Variants in LRRIQ1 observed in about 807,000 individuals in gnomAD.
LRRIQ1 encodes the protein leucine-rich repeat- and IQ domain-containing protein 1.
LRRIQ1 carries 210 observed loss-of-function variants against 211.9 expected under a neutral mutation model. The ratio of observed to expected loss-of-function variants is 0.99; its 90% CI spans 0.89 to 1.11. LRRIQ1 has a LOEUF of 1.11. Ranked by LOEUF, LRRIQ1 falls within the 50% of genes most tolerant of loss-of-function variation. The pLI, the probability that LRRIQ1 is intolerant of heterozygous loss-of-function variation, is 0.00. For synonymous variants in LRRIQ1, 699 were observed against 650.1 expected (o/e 1.08, Z -1.14); for missense variants, 2,136 against 1,939.5 (o/e 1.10, Z -1.90).
intron 24 of LRRIQ1, among the ~76,000 whole-genome samples, chr12:85,172,364 G>A (rs77191443): frequency 3.0e-4 from 45 of 152,216 alleles, no homozygotes; most frequent in African/African-American, 1.1e-3. Flanking sequence ...TAAGAATATT[G>A]CCTTTTATCT....
intron 1 of LRRIQ1, among the ~76,000 whole-genome samples, chr12:85,257,066 T>A (rs1298112327): frequency 8.4e-6 from 1 of 118,504 alleles, no homozygotes; most frequent in African/African-American, 3.2e-5. Context: ...AATTATATAA[T>A]TATATAAATA....
chr12:85,265,539 T>C (rs1896400789), downstream of LRRIQ1, among the ~76,000 whole-genome samples: 1 of 151,990 alleles, frequency 6.6e-6, no homozygotes, highest in Admixed American at 6.6e-5. Flanking sequence ...GCTCTAATTA[T>C]TGTGAAATTC....
intron 11 of LRRIQ1, among the ~76,000 whole-genome samples, chr12:85,087,806 T>G (rs1251393731): frequency 3.3e-5 from 5 of 152,234 alleles, no homozygotes; most frequent in African/African-American, 1.2e-4. Context: ...ATTTTTTTCT[T>G]GTAAATTTGT....
intron 23 of LRRIQ1, among the ~76,000 whole-genome samples, chr12:85,157,840 C>CATGGAT (rs907958440): frequency 1.3e-5 from 2 of 151,550 alleles, no homozygotes; most frequent in Admixed American, 1.3e-4. Flanking sequence ...GAAGACCTAA[C>CATGGAT]ATGGATTTTT....
chr12:85,065,384 T>A lies in LRRIQ1; in HGVS notation c.2514T>A (p.Asn838Lys). 1 of 1,609,842 alleles carries A rather than the reference T, an allele frequency of 6.2e-7. No homozygotes were observed. The highest frequency in any genetic ancestry group is 8.5e-7 in the Non-Finnish European group (1 of 1,177,392). Residue 838 changes from asparagine (N) to lysine (K), a missense_variant, in exon 9 of 27, where the codon AAT becomes AAA. By Grantham distance (94) the Asn-to-Lys change is moderately conservative (BLOSUM62 0). Transcript: ENST00000393217. ...TAACTTCTTTGCACAGCCTGAGTAA[T>A]TGTAAAAAACTTAAGTACATTGATG... ...CGLTSLHSLS[N>K]CKKLKYIDAQ...
chr12:85,244,279 A>G (rs891373570), intron 26 of LRRIQ1, among the ~76,000 whole-genome samples: 1 of 151,456 alleles, frequency 6.6e-6, no homozygotes, highest in African/African-American at 2.4e-5. Flanking sequence ...ATATTTTTAT[A>G]TTGATAATGG....
chr12:85,132,423 G>C (rs939841716), intron 18 of LRRIQ1, among the ~76,000 whole-genome samples: 6 of 152,074 alleles, frequency 3.9e-5, no homozygotes, highest in Non-Finnish European at 8.8e-5. Context: ...ATGTTAGGGA[G>C]AAGGCGTTCT....
chr12:85,097,765 A>G (rs1014173044), intron 11 of LRRIQ1, among the ~76,000 whole-genome samples: 1 of 152,116 alleles, frequency 6.6e-6, no homozygotes, highest in Admixed American at 6.6e-5. Context: ...GATTTAAGCA[A>G]CCTTCTCAGT....
chr12:85,215,604 G>A (rs1282031680), intron 24 of LRRIQ1, among the ~76,000 whole-genome samples: 1 of 151,928 alleles, frequency 6.6e-6, no homozygotes, highest in East Asian at 1.9e-4. Context: ...ACATTATCGG[G>A]TTTTCTGTTT....
At chr12:85,164,010 T>A (rs984995270) in intron 24 of LRRIQ1, among the ~76,000 whole-genome samples, 11 of 152,284 alleles carry the variant, frequency 7.2e-5, no homozygotes, top group African/African-American at 2.4e-4. Flanking sequence ...CCTGAACACT[T>A]TGCAGATTTA....
chr12:85,216,515 C>A (rs930136054), intron 24 of LRRIQ1, among the ~76,000 whole-genome samples: 5 of 149,634 alleles, frequency 3.3e-5, no homozygotes, highest in Non-Finnish European at 5.9e-5. Context: ...GTATATAATT[C>A]TTTATATTTC....
intron 24 of LRRIQ1, among the ~76,000 whole-genome samples, chr12:85,175,538 C>T (rs141840016): frequency 2.6e-5 from 4 of 152,206 alleles, no homozygotes; most frequent in Admixed American, 6.5e-5. Flanking sequence ...TCATTGGCTT[C>T]GTTCAGGGGT....
intron 13 of LRRIQ1, among the ~76,000 whole-genome samples, chr12:85,100,517 A>C (rs1886271530): frequency 6.6e-6 from 1 of 151,730 alleles, no homozygotes; most frequent in South Asian, 2.1e-4. Flanking sequence ...TTGGGGGATA[A>C]AAAAATGAGT....
chr12:85,189,774 C>A (rs1892398928), intron 24 of LRRIQ1, among the ~76,000 whole-genome samples: 1 of 144,668 alleles, frequency 6.9e-6, no homozygotes, highest in African/African-American at 2.5e-5. Context: ...TATATAATAT[C>A]TAATAATATA....
At chr12:85,207,788 T>C (rs994677373) in intron 24 of LRRIQ1, among the ~76,000 whole-genome samples, 1 of 152,166 alleles carries the variant, frequency 6.6e-6, no homozygotes, top group African/African-American at 2.4e-5. Context: ...AAAAAAGTAT[T>C]TTTTTCTCTA....
intron 24 of LRRIQ1, among the ~76,000 whole-genome samples, chr12:85,178,426 T>C (rs1891822412): frequency 6.6e-6 from 1 of 152,038 alleles, no homozygotes; most frequent in Non-Finnish European, 1.5e-5. Flanking sequence ...GCCCCACCTT[T>C]AGTTATTCTG....
At position 85,082,916 on chromosome 12, in the gene LRRIQ1, A is replaced by G. The variant is rs143846735; in HGVS notation, c.2887+9818A>G. Among the ~76,000 whole-genome samples the G allele has an allele frequency of 4.0e-3, 612 of 152,324 alleles. 2 individuals carry two copies. Among genetic ancestry groups the G allele is most frequent in the African/African-American group, 0.014 (582 of 41,578 alleles). ...AATTTTTCAGGTGGCTGGGGACACA[A>G]ACAATCTACAGTCATTTATGGTACG... On this transcript the variant is annotated intron_variant, in intron 11 of 26. Coordinates refer to ENST00000393217, the MANE Select transcript of LRRIQ1 (RefSeq NM_001079910.2).
At chr12:85,234,282 G>T (rs1307635851) in intron 26 of LRRIQ1, among the ~76,000 whole-genome samples, 1 of 152,046 alleles carries the variant, frequency 6.6e-6, no homozygotes, top group Non-Finnish European at 1.5e-5. Context: ...TGTTTAAAAA[G>T]GAATGGAAAC....
At chr12:85,188,039 G>T (rs1365895503) in intron 24 of LRRIQ1, among the ~76,000 whole-genome samples, 1 of 151,786 alleles carries the variant, frequency 6.6e-6, no homozygotes, top group Non-Finnish European at 1.5e-5. Context: ...TAAAAGCTAT[G>T]ACTAGAATGT....
Sources: allele counts gnomAD v4.1 joint callset (sites outside exome capture counted in the v4.1 genomes callset), GRCh38; gene constraint gnomAD v4.1.1; transcripts MANE v1.5; gene names NCBI Gene and HGNC (gene_info 2026-07-23, HGNC 2026-07-21).